BMPR2: variants seen among roughly 807,000 people sequenced by gnomAD.
BMPR2 encodes bone morphogenetic protein receptor type-2.
A neutral mutation model predicts 100.8 loss-of-function variants in BMPR2; 29 were observed. The ratio of observed to expected loss-of-function variants is 0.29; its 90% confidence interval spans 0.21 to 0.39. The LOEUF (loss-of-function observed/expected upper bound fraction) is 0.39, where lower values mean the gene tolerates loss of function less well. Ranked by LOEUF, BMPR2 falls within the 10% of genes least tolerant of loss-of-function variation. The probability of loss-of-function intolerance (pLI) is 1.00; values close to 1 mark genes in which losing one functional copy is unlikely to be tolerated. For missense variants in BMPR2, 1,011 were observed against 1,274.5 expected (o/e 0.79, Z 3.15); for synonymous variants, 382 against 442.3 (o/e 0.86, Z 1.71).
chr2:202,504,358 A>C (rs1281368194), intron 3 of BMPR2, among the ~76,000 whole-genome samples: 1 of 152,054 alleles, frequency 6.6e-6, no homozygotes, highest in Non-Finnish European at 1.5e-5. Context: ...AGCCAGCGAG[A>C]CCAGGAGCCC....
At chr2:202,526,653 C>T (rs150451332) in intron 7 of BMPR2, among the ~76,000 whole-genome samples, 1 of 152,300 alleles carries the variant, frequency 6.6e-6, no homozygotes, top group East Asian at 1.9e-4. Context: ...AAATACCATC[C>T]TAATCTCCCT....
intron 10 of BMPR2, among the ~76,000 whole-genome samples, chr2:202,549,393 CT>C (rs1193402968): frequency 1.3e-5 from 2 of 152,098 alleles, no homozygotes. Flanking sequence ...AATAAAGCTG[CT>C]GTGAATATTC....
chr2:202,477,557 A>G (rs1281613637), intron 3 of BMPR2, among the ~76,000 whole-genome samples: 2 of 152,204 alleles, frequency 1.3e-5, no homozygotes, highest in Non-Finnish European at 2.9e-5. Flanking sequence ...TGGGAGGCCA[A>G]GGCGGGCGGA....
chr2:202,556,826 T>G, intron 12 of BMPR2, among the ~76,000 whole-genome samples: 1 of 150,912 alleles, frequency 6.6e-6, no homozygotes, highest in South Asian at 2.1e-4. Context: ...GGCTCACGCC[T>G]GTAATCCCAG....
At position 202,509,218 on chromosome 2, in the gene BMPR2, TA is replaced by T. The variant is rs957527326; in HGVS notation, c.419-4492del. Among the ~76,000 whole-genome samples the T allele has an allele frequency of 4.5e-3, 684 of 151,514 alleles. 7 individuals carry two copies. Among genetic ancestry groups the T allele is most frequent in the African/African-American group, 0.015 (628 of 41,398 alleles). ...ACTTTTTAGTATCTCTTATTTTGAATAAAAAAAAATTAAGTACCATGTATAT... is the reference window on the plus strand; with the variant it reads ...ACTTTTTAGTATCTCTTATTTTGAATAAAAAAAATTAAGTACCATGTATAT... On this transcript the variant is annotated intron_variant, in intron 3 of 12. Coordinates refer to ENST00000374580, the MANE Select transcript of BMPR2 (RefSeq NM_001204.7).
intron 1 of BMPR2, among the ~76,000 whole-genome samples, chr2:202,440,801 CGGGGAGACT>C (rs886146383): frequency 1.6e-4 from 24 of 149,742 alleles, no homozygotes; most frequent in South Asian, 6.3e-4. Flanking sequence ...CCGGGGAGAC[CGGGGAGACT>C]GGGGAGAGGG....
At chr2:202,380,965 CTTTT>C (rs1159400445) in intron 1 of BMPR2, among the ~76,000 whole-genome samples, 2 of 70,788 alleles carry the variant, frequency 2.8e-5, no homozygotes, top group Non-Finnish European at 5.6e-5. Flanking sequence ...TTCTTTCTTT[CTTTT>C]TTTTTTTTTT....
At position 202,555,805 on chromosome 2, in the gene BMPR2, G is replaced by C. The variant is rs149067277; in HGVS notation, c.2140G>C (p.Ala714Pro). 1.9e-6 allele frequency: 3 copies of C among 1,614,098 alleles called. No individual in the cohort carries two copies. The highest frequency in any genetic ancestry group is 2.5e-6 in the Non-Finnish European group (3 of 1,180,018). ...SSLLYPLIKL[A>P]VEATGQQDFT... is the part of the protein sequence containing the mutation. ...CTTGCTTTACCCACTCATAAAACTT[G>C]CAGTAGAAGCAACTGGACAGCAGGA... The change falls in exon 12 of 13, where the codon GCA (alanine) becomes CCA (proline). Residue 714 changes from alanine to proline, a missense_variant. This residue lies in a region of BMPR2 where 508 missense variants were observed against 552.0 expected (regional missense o/e 0.92). Transcript: ENST00000374580.
At chr2:202,521,529 T>TATAC (rs1687818914) in intron 7 of BMPR2, among the ~76,000 whole-genome samples, 1 of 151,664 alleles carries the variant, frequency 6.6e-6, no homozygotes, top group Admixed American at 6.6e-5. Context: ...ATCACACCAC[T>TATAC]GTATTCCAGC....
chr2:202,398,480 T>G (rs1054891107), intron 1 of BMPR2, among the ~76,000 whole-genome samples: 1 of 152,208 alleles, frequency 6.6e-6, no homozygotes, highest in South Asian at 2.1e-4. Context: ...AGGAGGCCAT[T>G]TAGCCATCAA....
intron 10 of BMPR2, among the ~76,000 whole-genome samples, chr2:202,546,273 C>T (rs1189445406): frequency 1.3e-5 from 2 of 152,150 alleles, no homozygotes; most frequent in East Asian, 1.9e-4. Flanking sequence ...CTAAAGAAGC[C>T]ATTTTTGCTT....
chr2:202,533,649 C>T (rs911708303), intron 9 of BMPR2, among the ~76,000 whole-genome samples: 5 of 152,080 alleles, frequency 3.3e-5, no homozygotes, highest in Non-Finnish European at 5.9e-5. Flanking sequence ...ATGGTGAAAC[C>T]CCATGTCTAC....
At chr2:202,432,787 A>G (rs908678822) in intron 1 of BMPR2, among the ~76,000 whole-genome samples, 1 of 150,610 alleles carries the variant, frequency 6.6e-6, no homozygotes, top group Non-Finnish European at 1.5e-5. Context: ...TCATTTTATC[A>G]TATAGCATTG....
At chr2:202,378,006 A>G (rs1229891590) in intron 1 of BMPR2, among the ~76,000 whole-genome samples, 1 of 152,226 alleles carries the variant, frequency 6.6e-6, no homozygotes, top group Non-Finnish European at 1.5e-5. Context: ...TTATTTTGAA[A>G]TTTAGATCAC....
At chr2:202,402,710 A>C (rs887759034) in intron 1 of BMPR2, among the ~76,000 whole-genome samples, 1 of 149,248 alleles carries the variant, frequency 6.7e-6, no homozygotes, top group Non-Finnish European at 1.5e-5. Flanking sequence ...TCTGTCACTC[A>C]TGCTGGAGTG....
intron 1 of BMPR2, among the ~76,000 whole-genome samples, chr2:202,462,646 C>G (rs1363719691): frequency 6.8e-6 from 1 of 147,628 alleles, no homozygotes; most frequent in African/African-American, 2.5e-5. Context: ...TTTTTTTTAA[C>G]TATACTTTTT....
chr2:202,562,175 G>T lies in BMPR2; in HGVS notation c.*2229G>T, dbSNP rs928608633. On this transcript the variant is annotated 3_prime_UTR_variant, in exon 13 of 13. Transcript: ENST00000374580. The stretch of plus-strand genomic sequence containing the variant: ...CCAATTTGAAGCATTGAGGATAAAT[G>T]ACCATTTGAGGTCTAACTGATCTTT... 6.6e-6 allele frequency: 1 copy of T among 152,248 alleles called. No homozygotes were observed. The highest frequency in any genetic ancestry group is 1.5e-5 in the Non-Finnish European group (1 of 67,984). 9.4% of individuals were successfully genotyped at this position (152,248 alleles called of 1,614,324 possible).
chr2:202,430,144 A>G (rs553846915), intron 1 of BMPR2, among the ~76,000 whole-genome samples: 1 of 152,262 alleles, frequency 6.6e-6, no homozygotes, highest in South Asian at 2.1e-4. Flanking sequence ...TCTCTCTTAT[A>G]AGGCCATCAA....
chr2:202,553,377 T>C (rs1399421179), intron 11 of BMPR2, among the ~76,000 whole-genome samples: 1 of 152,196 alleles, frequency 6.6e-6, no homozygotes, highest in Non-Finnish European at 1.5e-5. Context: ...TACTTTTATA[T>C]GAAAGCAATT....
Sources: allele counts gnomAD v4.1 joint callset (sites outside exome capture counted in the v4.1 genomes callset), GRCh38; gene constraint gnomAD v4.1.1; regional missense constraint gnomAD v4.1.1; transcripts MANE v1.5; gene names NCBI Gene and HGNC (gene_info 2026-07-23, HGNC 2026-07-21).